The following KCNH5 variants were observed in gnomAD, a reference collection of about 807,000 sequenced individuals.
The protein encoded by KCNH5 is potassium voltage-gated channel subfamily H member 5.
Under a neutral mutation model 96.1 loss-of-function variants are expected in KCNH5, and 46 were observed. That is an observed-to-expected ratio of 0.48 (90% CI 0.38 to 0.61). The LOEUF is 0.61. KCNH5 is among the 20% of genes least tolerant of loss of function. The pLI, the probability that KCNH5 is intolerant of heterozygous loss-of-function variation, is 0.00. For missense variants in KCNH5, 907 were observed against 1,225.8 expected (o/e 0.74, Z 3.88); for synonymous variants, 439 against 449.8 (o/e 0.98, Z 0.30).
At position 62,942,969 on chromosome 14, in the gene KCNH5, T is replaced by C. The variant is rs138687646; in HGVS notation, c.1369+7164A>G. ...GCAGACAATAGAAAAAGTAGAAAAA[T>C]GCTTTTAGAGAAAATGAATACCCAA... On this transcript the variant is annotated intron_variant, in intron 7 of 10. Transcript: ENST00000322893. 7.7e-3 allele frequency among the ~76,000 whole-genome samples: 1,166 copies of C among 152,196 alleles called. 11 individuals carry two copies. Among genetic ancestry groups the C allele is most frequent in the African/African-American group, 0.027 (1,108 of 41,532 alleles).
At chr14:62,807,858 T>C (rs1212317052) in intron 8 of KCNH5, among the ~76,000 whole-genome samples, 1 of 152,102 alleles carries the variant, frequency 6.6e-6, no homozygotes, top group Non-Finnish European at 1.5e-5. Context: ...GCAAAAAATG[T>C]TGTACAATTT....
chr14:62,802,182 A>T, intron 9 of KCNH5, 147 bp downstream of exon 9: 1 of 727,890 alleles, frequency 1.4e-6, no homozygotes, highest in Non-Finnish European at 2.2e-6. Flanking sequence ...AAATAGCATT[A>T]TTAGTTTTCA....
At chr14:62,890,698 CAAAAA>C (rs1277209731) in intron 7 of KCNH5, among the ~76,000 whole-genome samples, 3 of 55,906 alleles carry the variant, frequency 5.4e-5, no homozygotes, top group South Asian at 1.4e-3. Flanking sequence ...GACTCCGTCT[CAAAAA>C]AAAAAAAAAA....
At chr14:62,772,664 A>G (rs1886014961) in intron 10 of KCNH5, among the ~76,000 whole-genome samples, 1 of 148,752 alleles carries the variant, frequency 6.7e-6, no homozygotes, top group East Asian at 2.0e-4. Context: ...AAAAAGTAGC[A>G]GTTTTTTTAA....
intron 10 of KCNH5, among the ~76,000 whole-genome samples, chr14:62,720,249 G>A (rs867816247): frequency 2.0e-5 from 3 of 152,198 alleles, no homozygotes; most frequent in African/African-American, 7.2e-5. Context: ...TGGAGAGGAC[G>A]TGGAAGAGGT....
chr14:62,789,189 T>C (rs1886380764), intron 9 of KCNH5, among the ~76,000 whole-genome samples: 1 of 152,134 alleles, frequency 6.6e-6, no homozygotes, highest in South Asian at 2.1e-4. Flanking sequence ...ATATATTATT[T>C]ATGTGTCTGG....
intron 7 of KCNH5, among the ~76,000 whole-genome samples, chr14:62,932,966 A>G (rs574710045): frequency 9.2e-5 from 14 of 152,304 alleles, no homozygotes; most frequent in African/African-American, 3.1e-4. Context: ...TACTTTCTCT[A>G]GAGGCTACTA....
At chr14:62,843,242 T>C (rs1473989636) in intron 8 of KCNH5, among the ~76,000 whole-genome samples, 2 of 152,160 alleles carry the variant, frequency 1.3e-5, no homozygotes, top group Non-Finnish European at 2.9e-5. Context: ...TTTTAAAATA[T>C]CCAGCAGAAG....
At chr14:62,769,175 C>T (rs1237582136) in intron 10 of KCNH5, among the ~76,000 whole-genome samples, 1 of 152,242 alleles carries the variant, frequency 6.6e-6, no homozygotes, top group Non-Finnish European at 1.5e-5. Flanking sequence ...ACTCACTTGT[C>T]TTACAGTGTT....
At chr14:62,720,555 C>A (rs1269562370) in intron 10 of KCNH5, among the ~76,000 whole-genome samples, 2 of 152,134 alleles carry the variant, frequency 1.3e-5, no homozygotes, top group Non-Finnish European at 2.9e-5. Flanking sequence ...TGCACTCCAT[C>A]CTGGGTGACA....
chr14:62,826,622 T>C (rs933180988), intron 8 of KCNH5, among the ~76,000 whole-genome samples: 3 of 152,050 alleles, frequency 2.0e-5, no homozygotes, highest in African/African-American at 7.2e-5. Flanking sequence ...AAAAGATGTA[T>C]ATTGTAATGT....
chr14:62,868,425 T>C (rs1329206590), intron 7 of KCNH5, among the ~76,000 whole-genome samples: 1 of 152,246 alleles, frequency 6.6e-6, no homozygotes. Context: ...GCAAAAGTAA[T>C]TGCTGTTTTT....
intron 7 of KCNH5, among the ~76,000 whole-genome samples, chr14:62,947,986 C>CA (rs1197173626): frequency 6.6e-6 from 1 of 151,684 alleles, no homozygotes; most frequent in Admixed American, 6.6e-5. Context: ...TCTCCCCCCA[C>CA]CCCACAACAG....
chr14:62,838,510 T>C (rs1051778998), intron 8 of KCNH5, among the ~76,000 whole-genome samples: 1 of 152,152 alleles, frequency 6.6e-6, no homozygotes, highest in Non-Finnish European at 1.5e-5. Flanking sequence ...ATTAGGACAA[T>C]ACAATTTCAG....
At chr14:62,907,163 G>C (rs1595679055) in intron 7 of KCNH5, among the ~76,000 whole-genome samples, 1 of 152,008 alleles carries the variant, frequency 6.6e-6, no homozygotes, top group African/African-American at 2.4e-5. Flanking sequence ...TTTTTTGTTA[G>C]TGCAACTTAT....
chr14:62,972,414 G>T (rs1220429980), intron 6 of KCNH5, among the ~76,000 whole-genome samples: 2 of 152,186 alleles, frequency 1.3e-5, no homozygotes, highest in Admixed American at 6.5e-5. Flanking sequence ...ATACATAATG[G>T]TGCTGCCACT....
intron 8 of KCNH5, among the ~76,000 whole-genome samples, chr14:62,840,566 C>CT (rs71120238): frequency 0.012 from 879 of 76,360 alleles, 31 homozygotes; most frequent in Middle Eastern, 0.043. Flanking sequence ...TCTTTTTTTT[C>CT]TTTTTTTTTT....
At chr14:62,796,871 G>A (rs1427022914) in intron 9 of KCNH5, among the ~76,000 whole-genome samples, 1 of 152,228 alleles carries the variant, frequency 6.6e-6, no homozygotes, top group African/African-American at 2.4e-5. Context: ...TGGAAGCAGA[G>A]AGGGAGCTTT....
At chr14:62,912,649 G>A (rs541751565) in intron 7 of KCNH5, among the ~76,000 whole-genome samples, 6 of 152,100 alleles carry the variant, frequency 3.9e-5, no homozygotes, top group Admixed American at 6.5e-5. Flanking sequence ...CAAGCAATCC[G>A]CCAGCCTCGG....
Sources: gnomAD v4.1 joint callset for allele counts (sites outside exome capture counted in the v4.1 genomes callset) on GRCh38, gnomAD v4.1.1 for gene constraint, MANE v1.5 for transcripts, NCBI Gene and HGNC (gene_info 2026-07-23, HGNC 2026-07-21) for gene names.